STAMBP: variants seen among roughly 807,000 people sequenced by gnomAD.
STAMBP encodes STAM binding protein.
A neutral mutation model predicts 50.7 loss-of-function variants in STAMBP; 31 were observed. The ratio of observed to expected loss-of-function variants is 0.61; its 90% confidence interval spans 0.46 to 0.83. The LOEUF (loss-of-function observed/expected upper bound fraction) is 0.83, where lower values mean the gene tolerates loss of function less well. Ranked by LOEUF, STAMBP falls within the 40% of genes least tolerant of loss-of-function variation. The pLI, the probability that STAMBP is intolerant of heterozygous loss-of-function variation, is 0.00. For synonymous variants in STAMBP, 211 were observed against 192.4 expected, an observed-to-expected ratio of 1.10 and a Z score of -0.80; for missense variants, 472 against 518.9, an observed-to-expected ratio of 0.91 and a Z score of 0.88.
rs749302604 is a variant in STAMBP at position 73,847,354 on chromosome 2, T to G, written c.376-33T>G. The G allele has an allele frequency of 1.9e-6, 3 of 1,559,642 alleles. No individual in the cohort carries two copies. The South Asian group carries it at 3.7e-5, about 19-fold the overall frequency. ...CCTGAAGTGTGAAGTCACTGAGGTG[T>G]GAAGTGTTAGCCTAAATTTTCTCTC... On this transcript the variant is annotated intron_variant, in intron 4 of 9. Transcript: ENST00000394070.
chr2:73,834,790 TTCCAA>T (rs1174459540), intron 2 of STAMBP, among the ~76,000 whole-genome samples: 1 of 152,202 alleles, frequency 6.6e-6, no homozygotes, highest in Non-Finnish European at 1.5e-5. Context: ...CAGTTGGTCA[TTCCAA>T]GAGCATAGGG....
At chr2:73,829,946 T>C (rs1673695821) in intron 1 of STAMBP, among the ~76,000 whole-genome samples, 1 of 152,242 alleles carries the variant, frequency 6.6e-6, no homozygotes, top group Non-Finnish European at 1.5e-5. Context: ...TACTGTAGTT[T>C]GTGTATTCTA....
In STAMBP at chr2:73,855,316, G is replaced by C. The variant is rs116549070; in HGVS notation, c.1006-3938G>C. On this transcript the variant is annotated intron_variant, in intron 7 of 9. Coordinates refer to ENST00000394070, the MANE Select transcript of STAMBP (RefSeq NM_213622.4). ...GGTATATTGTTTTCTCTTTGTCAAA[G>C]TGCCTTCCTCTATCCCCAGCAGCAT... Among the ~76,000 whole-genome samples, 952 of 152,258 alleles carry C rather than the reference G, an allele frequency of 6.3e-3. 6 individuals are homozygous for C. Among genetic ancestry groups the C allele is most frequent in the African/African-American group, 0.021 (867 of 41,536 alleles).
intron 10 of STAMBP, among the ~76,000 whole-genome samples, chr2:73,872,394 A>C (rs1314957335): frequency 6.6e-6 from 1 of 152,256 alleles, no homozygotes; most frequent in African/African-American, 2.4e-5. Flanking sequence ...ACGATGGGGT[A>C]GTGACCTTCT....
chr2:73,870,005 G>T (rs1457954075), downstream of STAMBP: 1 of 152,174 alleles, frequency 6.6e-6, no homozygotes, highest in East Asian at 1.9e-4. Flanking sequence ...ATTAATATTA[G>T]TTATCTGTAG....
chr2:73,840,890 C>T (rs1195812762), intron 2 of STAMBP, among the ~76,000 whole-genome samples: 1 of 152,140 alleles, frequency 6.6e-6, no homozygotes, highest in Non-Finnish European at 1.5e-5. Flanking sequence ...CTTGCTAACA[C>T]TGTATGGGTA....
At chr2:73,852,997 G>T (rs775436030) in intron 7 of STAMBP, among the ~76,000 whole-genome samples, 66 of 151,166 alleles carry the variant, frequency 4.4e-4, no homozygotes, top group Non-Finnish European at 7.7e-4. Flanking sequence ...GGCCAGGCTG[G>T]TCTCGAAATC....
chr2:73,862,393 G>T lies in STAMBP; in HGVS notation c.*134G>T. On this transcript the variant is annotated 3_prime_UTR_variant, in exon 10 of 10. Coordinates refer to ENST00000394070, the MANE Select transcript of STAMBP (RefSeq NM_213622.4). ...GGGGGGCATCACCTGAGAAAGAGCTGATTTTGTATTTCAGGTTTGAAAAGA... is the reference window on the plus strand; with the variant it reads ...GGGGGGCATCACCTGAGAAAGAGCTTATTTTGTATTTCAGGTTTGAAAAGA... 1 of 564,990 alleles carries T rather than the reference G, an allele frequency of 1.8e-6. No individual in the cohort carries two copies. 35.0% of individuals were successfully genotyped at this position (564,990 alleles called of 1,614,324 possible). A position where few individuals can be genotyped will look rare whatever the true frequency, so the allele number is the denominator to read the frequency against.
downstream of STAMBP, among the ~76,000 whole-genome samples, chr2:73,871,382 A>G (rs927711941): frequency 8.0e-5 from 12 of 150,236 alleles, no homozygotes; most frequent in African/African-American, 2.7e-4. Context: ...CGTCTCTACG[A>G]AAAATACCAA....
At chr2:73,870,891 CT>C (rs1679173327), downstream of STAMBP, among the ~76,000 whole-genome samples, 1 of 152,138 alleles carries the variant, frequency 6.6e-6, no homozygotes, top group African/African-American at 2.4e-5. Context: ...CTCACACAGC[CT>C]AGTATACACC....
In STAMBP at chr2:73,867,161, C is replaced by T. The variant is rs1437027680; in HGVS notation, c.*4902C>T. 6.6e-6 allele frequency: 1 copy of T among 152,212 alleles called. No homozygotes were observed. The highest frequency in any genetic ancestry group is 2.4e-5 in the African/African-American group (1 of 41,452). The allele number at this position is 152,212 out of a possible 1,614,324, so 9.4% of individuals were successfully genotyped here. ...AATGCACAGACTTGTCCAAAATCAT[C>T]CAATTAATAAATGGTAAGGCTTTGC... On this transcript the variant is annotated 3_prime_UTR_variant, in exon 10 of 10. Coordinates refer to ENST00000394070, the MANE Select transcript of STAMBP (RefSeq NM_213622.4).
At chr2:73,868,398 CTG>C (rs1215106591), downstream of STAMBP, among the ~76,000 whole-genome samples, 3 of 152,048 alleles carry the variant, frequency 2.0e-5, no homozygotes, top group Non-Finnish European at 2.9e-5. Flanking sequence ...CTACCTGACT[CTG>C]AGAGCCCTGA....
intron 5 of STAMBP, among the ~76,000 whole-genome samples, chr2:73,848,622 A>G (rs182722996): frequency 6.6e-6 from 1 of 152,354 alleles, no homozygotes; most frequent in East Asian, 1.9e-4. Flanking sequence ...TCCAAGACCC[A>G]GGGGCCTGGC....
downstream of STAMBP, among the ~76,000 whole-genome samples, chr2:73,869,360 T>TCAGAGGAA (rs1181395843): frequency 6.6e-6 from 1 of 152,188 alleles, no homozygotes; most frequent in Non-Finnish European, 1.5e-5. Flanking sequence ...AGTAAGCTTT[T>TCAGAGGAA]CAGAGGAACA....
At position 73,865,179 on chromosome 2, in the gene STAMBP, A is replaced by G. The variant is rs1678752952; in HGVS notation, c.*2920A>G. Reference sequence around the variant, plus strand: ...CCCAGTTGAAAGAGAAATTTTTCATATTGGGGTTGAGAAGAATGGAGGCTA... The same window carrying G: ...CCCAGTTGAAAGAGAAATTTTTCATGTTGGGGTTGAGAAGAATGGAGGCTA... On this transcript the variant is annotated 3_prime_UTR_variant, in exon 10 of 10. Coordinates refer to ENST00000394070, the MANE Select transcript of STAMBP (RefSeq NM_213622.4). 6.6e-6 allele frequency: 1 copy of G among 152,182 alleles called. No homozygotes were observed. Among genetic ancestry groups the G allele is most frequent in the Admixed American group, 6.6e-5 (1 of 15,266 alleles). 9.4% of individuals were successfully genotyped at this position (152,182 alleles called of 1,614,324 possible). A position where few individuals can be genotyped will look rare whatever the true frequency, so the allele number is the denominator to read the frequency against.
At chr2:73,843,894 T>TA (rs1675745729) in intron 2 of STAMBP, among the ~76,000 whole-genome samples, 1 of 152,274 alleles carries the variant, frequency 6.6e-6, no homozygotes, top group Admixed American at 6.5e-5. Flanking sequence ...TTCTGTGTAT[T>TA]ACAACTTAAT....
At chr2:73,837,696 A>G (rs760706417) in intron 2 of STAMBP, among the ~76,000 whole-genome samples, 26 of 151,986 alleles carry the variant, frequency 1.7e-4, no homozygotes, top group Admixed American at 3.3e-4. Context: ...ATTCTTGGTA[A>G]TCCTTTGTAC....
At chr2:73,855,313 A>G (rs540183839) in intron 7 of STAMBP, among the ~76,000 whole-genome samples, 1 of 152,318 alleles carries the variant, frequency 6.6e-6, no homozygotes, top group South Asian at 2.1e-4. Context: ...TCTCTTTGTC[A>G]AAGTGCCTTC....
At position 73,829,118 on chromosome 2, in the gene STAMBP, C is replaced by T. The variant is rs548317031; in HGVS notation, c.-405C>T. 6.6e-6 allele frequency: 1 copy of T among 152,432 alleles called. No homozygotes were observed. Among genetic ancestry groups the T allele is most frequent in the East Asian group, 1.9e-4 (1 of 5,188 alleles). 9.4% of individuals were successfully genotyped at this position (152,432 alleles called of 1,614,324 possible). On this transcript the variant is annotated 5_prime_UTR_variant, in exon 1 of 10. Transcript: ENST00000394070. ...ACTCTCCCCGAGTCCCCTGCCCGGC[C>T]TGCCTCGCTCGAGGCACCCGACGGC...
Sources: gnomAD v4.1 joint callset for allele counts (sites outside exome capture counted in the v4.1 genomes callset) on GRCh38, gnomAD v4.1.1 for gene constraint, MANE v1.5 for transcripts, NCBI Gene and HGNC (gene_info 2026-07-23, HGNC 2026-07-21) for gene names.